CSTPP1: variants seen among roughly 807,000 people sequenced by gnomAD.
CSTPP1 encodes the protein centriolar satellite-associated tubulin polyglutamylase complex regulator 1.
At chr11:47,114,001 A>T in the CSTPP1 span, among the ~76,000 whole-genome samples, 2 of 152,188 alleles carry the variant, frequency 1.3e-5, no homozygotes, top group Admixed American at 1.3e-4. Context: ...TAAGTCTTTA[A>T]TCCATCTTGA....
At chr11:46,950,824 C>A in the CSTPP1 span, among the ~76,000 whole-genome samples, 38 of 152,078 alleles carry the variant, frequency 2.5e-4, 1 homozygote, top group South Asian at 7.9e-3. Context: ...ATTGGCCAGG[C>A]TGGTCTGTTG....
the CSTPP1 span, among the ~76,000 whole-genome samples, chr11:46,974,548 A>C: frequency 6.7e-6 from 1 of 149,614 alleles, no homozygotes; most frequent in East Asian, 2.0e-4. Context: ...AAAAAGAAAG[A>C]AAAAGAAACA....
the CSTPP1 span, among the ~76,000 whole-genome samples, chr11:47,140,018 C>T: frequency 6.6e-6 from 1 of 152,160 alleles, no homozygotes; most frequent in African/African-American, 2.4e-5. Flanking sequence ...CCTCTATTGA[C>T]TTGGAAGATG....
the CSTPP1 span, among the ~76,000 whole-genome samples, chr11:47,096,793 CAATGTT>C: frequency 7.2e-6 from 1 of 139,542 alleles, no homozygotes; most frequent in Non-Finnish European, 1.5e-5. Context: ...ACAATTTCTG[CAATGTT>C]AAGGCCCAGC....
At chr11:46,986,423 CTT>C in the CSTPP1 span, among the ~76,000 whole-genome samples, 89 of 138,596 alleles carry the variant, frequency 6.4e-4, no homozygotes, top group African/African-American at 2.2e-3. Context: ...TTTCCAGTGA[CTT>C]TTTTTTTTTT....
chr11:47,107,762 A>G, the CSTPP1 span, among the ~76,000 whole-genome samples: 8 of 152,218 alleles, frequency 5.3e-5, no homozygotes, highest in Non-Finnish European at 1.0e-4. Flanking sequence ...TTGAATTAAG[A>G]AAGAATTACT....
chr11:47,109,731 C>A, the CSTPP1 span, among the ~76,000 whole-genome samples: 2 of 152,186 alleles, frequency 1.3e-5, no homozygotes, highest in East Asian at 1.9e-4. Flanking sequence ...CTTATCTTTC[C>A]TCAGTGTCCC....
the CSTPP1 span, among the ~76,000 whole-genome samples, chr11:47,038,086 G>T: frequency 1.1e-5 from 1 of 94,996 alleles, no homozygotes; most frequent in African/African-American, 2.9e-5. Flanking sequence ...GGATGGGGCG[G>T]CTGGCCGGGC....
At chr11:47,122,512 T>G in the CSTPP1 span, among the ~76,000 whole-genome samples, 1 of 152,150 alleles carries the variant, frequency 6.6e-6, no homozygotes, top group Non-Finnish European at 1.5e-5. Context: ...CACAGCTTTG[T>G]TAAGATACAA....
the CSTPP1 span, among the ~76,000 whole-genome samples, chr11:47,033,298 GT>G: frequency 2.0e-5 from 3 of 152,082 alleles, no homozygotes; most frequent in Non-Finnish European, 4.4e-5. Flanking sequence ...ATTTGCTTTA[GT>G]TTCAGTGCCT....
chr11:47,100,738 C>T, the CSTPP1 span, among the ~76,000 whole-genome samples: 2 of 152,100 alleles, frequency 1.3e-5, no homozygotes, highest in East Asian at 1.9e-4. Flanking sequence ...TGCAGTGAGC[C>T]GACATTGTGC....
chr11:46,972,879 A>G, the CSTPP1 span, among the ~76,000 whole-genome samples: 2 of 152,210 alleles, frequency 1.3e-5, no homozygotes, highest in South Asian at 2.1e-4. Flanking sequence ...AATCATGATC[A>G]TTTTAAACTT....
chr11:47,150,680 G>T, the CSTPP1 span, among the ~76,000 whole-genome samples: 1 of 151,412 alleles, frequency 6.6e-6, no homozygotes, highest in Non-Finnish European at 1.5e-5. Context: ...AGCATCATGG[G>T]TAGAAGGGAC....
the CSTPP1 span, among the ~76,000 whole-genome samples, chr11:47,030,706 T>C: frequency 6.6e-6 from 1 of 152,286 alleles, no homozygotes; most frequent in African/African-American, 2.4e-5. Flanking sequence ...CAGTGTGTGT[T>C]GTTCCCCTCT....
chr11:47,080,129 T>A, the CSTPP1 span, among the ~76,000 whole-genome samples: 1 of 149,468 alleles, frequency 6.7e-6, no homozygotes, highest in South Asian at 2.1e-4. Flanking sequence ...GGAAGAAATA[T>A]GAGATAGGAG....
At chr11:47,122,091 A>AAAAAAAAAAAT in the CSTPP1 span, among the ~76,000 whole-genome samples, 16 of 31,836 alleles carry the variant, frequency 5.0e-4, no homozygotes, top group African/African-American at 1.1e-3. Flanking sequence ...AAAAAAAAAA[A>AAAAAAAAAAAT]ATATATATAT....
the CSTPP1 span, among the ~76,000 whole-genome samples, chr11:46,938,741 T>C: frequency 6.6e-6 from 1 of 151,698 alleles, no homozygotes; most frequent in Admixed American, 6.6e-5. Context: ...TATTCCATTG[T>C]ATGGATGTAC....
chr11:47,006,298 T>G, the CSTPP1 span, among the ~76,000 whole-genome samples: 2 of 152,198 alleles, frequency 1.3e-5, no homozygotes, highest in Admixed American at 6.5e-5. Flanking sequence ...CATTCCATTA[T>G]CTTTTGGTTT....
At chr11:47,088,423 A>T in the CSTPP1 span, among the ~76,000 whole-genome samples, 1 of 152,242 alleles carries the variant, frequency 6.6e-6, no homozygotes, top group Admixed American at 6.5e-5. Context: ...GAAAACACAG[A>T]AAAAGAAGTA....
Sources: gnomAD v4.1 joint callset for allele counts (sites outside exome capture counted in the v4.1 genomes callset) on GRCh38, gnomAD v4.1.1 for gene constraint, MANE v1.5 for transcripts, NCBI Gene and HGNC (gene_info 2026-07-23, HGNC 2026-07-21) for gene names.